IL36B: variants seen among roughly 807,000 people sequenced by gnomAD.
IL36B encodes the protein interleukin-36 beta.
In IL36B, 23 loss-of-function variants were observed where a neutral mutation model predicts 19.3. The ratio of observed to expected loss-of-function variants is 1.19; its 90% CI spans 0.86 to 1.69. IL36B has a LOEUF of 1.69. Among genes scored for constraint, IL36B ranks in the 40% most tolerant of loss-of-function variants. The pLI is 0.00. For missense variants in IL36B, 217 were observed against 200.5 expected, an observed-to-expected ratio of 1.08 and a Z score of -0.50; for synonymous variants, 59 against 59.7, an observed-to-expected ratio of 0.99 and a Z score of 0.05.
At chr2:113,033,295 G>A (rs1218600604) in intron 1 of IL36B, among the ~76,000 whole-genome samples, 3 of 152,094 alleles carry the variant, frequency 2.0e-5, no homozygotes, top group Non-Finnish European at 4.4e-5. Context: ...GCAGTGGCAC[G>A]ATCTCGGCTC....
chr2:113,048,749 A>G (rs980202176), intron 1 of IL36B, among the ~76,000 whole-genome samples: 12 of 152,170 alleles, frequency 7.9e-5, no homozygotes, highest in Non-Finnish European at 1.8e-4. Flanking sequence ...TACCAGTTTC[A>G]TGAATAGAAG....
chr2:113,031,658 T>G, intron 2 of IL36B, 39 bp downstream of exon 2: 4 of 1,567,076 alleles, frequency 2.6e-6, no homozygotes, highest in Non-Finnish European at 3.5e-6. Flanking sequence ...TGAGGTCAGA[T>G]GGAGATATTT....
At chr2:113,027,544 G>A in intron 4 of IL36B, 2 of 1,034,162 alleles carry the variant, frequency 1.9e-6, no homozygotes, top group East Asian at 8.4e-5. Flanking sequence ...TGAACAAAAT[G>A]TCATGAATCC....
At chr2:113,043,950 A>G (rs187594565) in intron 1 of IL36B, among the ~76,000 whole-genome samples, 1 of 152,248 alleles carries the variant, frequency 6.6e-6, no homozygotes, top group East Asian at 1.9e-4. Flanking sequence ...CTATTTGTCT[A>G]TCTTTTTGCC....
intron 5 of IL36B, among the ~76,000 whole-genome samples, chr2:113,025,534 G>A (rs1405460934): frequency 2.6e-5 from 4 of 152,170 alleles, no homozygotes; most frequent in Non-Finnish European, 5.9e-5. Flanking sequence ...TTTGGTTGAC[G>A]AGAAGAGAGC....
chr2:113,038,652 G>A (rs1328919832), intron 1 of IL36B, among the ~76,000 whole-genome samples: 2 of 152,184 alleles, frequency 1.3e-5, no homozygotes, highest in African/African-American at 4.8e-5. Context: ...TAATGTAGGG[G>A]CAGATACAGA....
At chr2:113,034,642 G>T (rs1685134556) in intron 1 of IL36B, among the ~76,000 whole-genome samples, 1 of 152,194 alleles carries the variant, frequency 6.6e-6, no homozygotes, top group Non-Finnish European at 1.5e-5. Flanking sequence ...ACAAATAAAT[G>T]TATGTAGTAT....
At chr2:113,031,814 G>A (rs1054239495) in intron 1 of IL36B, 48 bp from the exon 2 acceptor site, 2 of 900,582 alleles carry the variant, frequency 2.2e-6, no homozygotes, top group Non-Finnish European at 3.6e-6. Flanking sequence ...AACATGTTAT[G>A]CTTTTTTCTC....
intron 1 of IL36B, among the ~76,000 whole-genome samples, chr2:113,037,907 G>A (rs1410255918): frequency 6.6e-6 from 1 of 152,180 alleles, no homozygotes; most frequent in Non-Finnish European, 1.5e-5. Flanking sequence ...AATTAAAGAA[G>A]TGGGTGGCTG....
At chr2:113,028,855 A>T in intron 4 of IL36B, 84 bp downstream of exon 4, 1 of 1,418,262 alleles carries the variant, frequency 7.1e-7, no homozygotes, top group Admixed American at 2.0e-5. Context: ...GGTTGCAAGC[A>T]TATTATTTTT....
intron 1 of IL36B, among the ~76,000 whole-genome samples, chr2:113,037,781 T>C (rs1460031642): frequency 6.6e-6 from 1 of 152,242 alleles, no homozygotes; most frequent in Non-Finnish European, 1.5e-5. Flanking sequence ...TTTGTACACA[T>C]GTAAGTACTT....
intron 1 of IL36B, among the ~76,000 whole-genome samples, chr2:113,051,267 G>A (rs1340662578): frequency 2.0e-5 from 3 of 152,258 alleles, no homozygotes; most frequent in African/African-American, 4.8e-5. Flanking sequence ...CAGTCCGGCG[G>A]AGGCGAGTCC....
intron 1 of IL36B, among the ~76,000 whole-genome samples, chr2:113,037,341 G>C (rs1406513692): frequency 1.3e-5 from 2 of 152,176 alleles, no homozygotes; most frequent in East Asian, 3.8e-4. Flanking sequence ...TTTTAGAAGA[G>C]CCAGCTCATT....
At chr2:113,023,841 T>C (rs1158541615) in intron 5 of IL36B, among the ~76,000 whole-genome samples, 1 of 152,232 alleles carries the variant, frequency 6.6e-6, no homozygotes, top group Non-Finnish European at 1.5e-5. Flanking sequence ...TCCTTTCTTG[T>C]TGATAACCCG....
Position 113,040,723 on chromosome 2 carries a change from G to A in IL36B, c.-57-8957C>T, listed in dbSNP as rs35327148. Among the ~76,000 whole-genome samples the A allele has an allele frequency of 3.0e-3, 459 of 152,292 alleles. 1 individual carries two copies. Among genetic ancestry groups the A allele is most frequent in the African/African-American group, 0.011 (441 of 41,550 alleles). On this transcript the variant is annotated intron_variant, in intron 1 of 5. Coordinates refer to ENST00000259213, the MANE Select transcript of IL36B (RefSeq NM_014438.5). ...GCACCAAAAACTACAAAGTGTTACT[G>A]AGAGAGATTAAAGAATACCTAAATA...
At chr2:113,028,070 G>C (rs1684997694) in intron 4 of IL36B, 1 of 1,614,130 alleles carries the variant, frequency 6.2e-7, no homozygotes, top group Non-Finnish European at 8.5e-7. Flanking sequence ...AAGAGAAAGG[G>C]CTTCTGTGCT....
chr2:113,027,622 G>A, intron 4 of IL36B: 2 of 1,249,744 alleles, frequency 1.6e-6, no homozygotes, highest in Non-Finnish European at 2.0e-6. Flanking sequence ...CATTTGGGGG[G>A]TTGACTAAAC....
At chr2:113,049,012 C>A (rs1685396302) in intron 1 of IL36B, among the ~76,000 whole-genome samples, 1 of 152,104 alleles carries the variant, frequency 6.6e-6, no homozygotes, top group African/African-American at 2.4e-5. Context: ...GAAGAGGAAG[C>A]ATCACACAAT....
rs377153603 is a variant in IL36B, at chr2:113,051,065, G to A, written c.-58+1752C>T. On this transcript the variant is annotated intron_variant, in intron 1 of 5. Transcript: ENST00000259213. The stretch of plus-strand genomic sequence containing the variant: ...CCTCCCGATCCTTGAATCGGAGGCC[G>A]TGCCTCTCATCGTGGCCTCCCGACC... Among the ~76,000 whole-genome samples, 13 of 152,100 alleles carry A rather than the reference G, an allele frequency of 8.5e-5. No homozygotes were observed. In the East Asian group the frequency reaches 9.7e-4, roughly 11 times the overall value.
Sources: gnomAD v4.1 joint callset for allele counts (sites outside exome capture counted in the v4.1 genomes callset) on GRCh38, gnomAD v4.1.1 for gene constraint, MANE v1.5 for transcripts, NCBI Gene and HGNC (gene_info 2026-07-23, HGNC 2026-07-21) for gene names.